KLHL1: variants seen among roughly 807,000 people sequenced by gnomAD.
KLHL1 encodes kelch like family member 1, also known as kelch-like protein 1.
Under a neutral mutation model 77.7 loss-of-function variants are expected in KLHL1, and 47 were observed. That is an observed-to-expected ratio of 0.60 (90% CI 0.48 to 0.77). The LOEUF (loss-of-function observed/expected upper bound fraction) is 0.77, where lower values mean the gene tolerates loss of function less well. KLHL1 is among the 30% of genes least tolerant of loss of function. KLHL1 has a pLI of 0.00. For missense variants in KLHL1, 925 were observed against 910.8 expected (o/e 1.02, Z -0.20); for synonymous variants, 360 against 325.2 (o/e 1.11, Z -1.15).
intron 7 of KLHL1, among the ~76,000 whole-genome samples, chr13:69,741,767 T>C (rs1405103020): frequency 6.6e-6 from 1 of 152,180 alleles, no homozygotes; most frequent in Non-Finnish European, 1.5e-5. Context: ...TAAAACCTCT[T>C]GCCAGTTTCA....
chr13:69,899,759 A>G lies in KLHL1; in HGVS notation c.1015-17264T>C, dbSNP rs530821141. On this transcript the variant is annotated intron_variant, in intron 4 of 10. Coordinates refer to ENST00000377844, the MANE Select transcript of KLHL1 (RefSeq NM_020866.3). ...GAAGGAGGTCTGGGATAACCAAATG[A>G]CAATACTGGAGTGATCACAAAGAAT... Among the ~76,000 whole-genome samples the G allele has an allele frequency of 2.6e-5, 4 of 152,288 alleles. No homozygotes were observed. In the South Asian group the frequency reaches 8.3e-4, roughly 32 times the overall value.
At position 70,063,016 on chromosome 13, in the gene KLHL1, A is replaced by G. The variant is rs1346041625; in HGVS notation, c.497+44187T>C. ...TCACTTAACCTTTCCCATTCACATC[A>G]TAGCTGCCTCCATGAAATACCTAGG... On this transcript the variant is annotated intron_variant, in intron 1 of 10. Transcript: ENST00000377844. Among the ~76,000 whole-genome samples the G allele has an allele frequency of 3.9e-5, 6 of 152,046 alleles. No individual in the cohort carries two copies. In the East Asian group the frequency reaches 1.2e-3, roughly 29 times the overall value.
intron 1 of KLHL1, among the ~76,000 whole-genome samples, chr13:70,019,042 T>A (rs1885725860): frequency 6.6e-6 from 1 of 152,222 alleles, no homozygotes; most frequent in East Asian, 1.9e-4. Context: ...GATCATTTAA[T>A]GTCAATTATT....
At chr13:69,925,355 G>A (rs1260957118) in intron 4 of KLHL1, among the ~76,000 whole-genome samples, 1 of 152,130 alleles carries the variant, frequency 6.6e-6, no homozygotes, top group Non-Finnish European at 1.5e-5. Flanking sequence ...TATAATATAT[G>A]TAAAACACTT....
chr13:70,052,796 C>T (rs1886659483), intron 1 of KLHL1, among the ~76,000 whole-genome samples: 1 of 151,862 alleles, frequency 6.6e-6, no homozygotes, highest in Non-Finnish European at 1.5e-5. Flanking sequence ...GTAGGAAACA[C>T]AGCAACAAGT....
chr13:69,849,634 G>T (rs1338302796), intron 5 of KLHL1, among the ~76,000 whole-genome samples: 1 of 151,276 alleles, frequency 6.6e-6, no homozygotes, highest in East Asian at 2.0e-4. Context: ...TCAACATTTA[G>T]TTTTATCAGT....
At chr13:70,018,402 G>C (rs1189110780) in intron 1 of KLHL1, among the ~76,000 whole-genome samples, 4 of 152,190 alleles carry the variant, frequency 2.6e-5, no homozygotes, top group Non-Finnish European at 5.9e-5. Flanking sequence ...CTTGCCCTTA[G>C]AGTTAATTCA....
At chr13:70,063,907 T>C (rs1886949576) in intron 1 of KLHL1, among the ~76,000 whole-genome samples, 1 of 152,082 alleles carries the variant, frequency 6.6e-6, no homozygotes, top group Non-Finnish European at 1.5e-5. Flanking sequence ...GATGCTTTCT[T>C]TTTCTTCCTA....
At chr13:69,852,001 C>A (rs1002663465) in intron 5 of KLHL1, among the ~76,000 whole-genome samples, 1 of 151,836 alleles carries the variant, frequency 6.6e-6, no homozygotes, top group African/African-American at 2.4e-5. Flanking sequence ...TGGATTCAAA[C>A]CATCTTGTTA....
intron 1 of KLHL1, among the ~76,000 whole-genome samples, chr13:69,985,864 T>C (rs905270461): frequency 7.8e-5 from 4 of 51,440 alleles, no homozygotes; most frequent in Non-Finnish European, 2.9e-4. Flanking sequence ...ATATACATAG[T>C]ATTCCACTGT....
At chr13:69,774,807 T>C (rs144066955) in intron 7 of KLHL1, among the ~76,000 whole-genome samples, 2 of 152,200 alleles carry the variant, frequency 1.3e-5, no homozygotes, top group Non-Finnish European at 2.9e-5. Context: ...TGACTACCTA[T>C]GTGTTATCTT....
chr13:69,846,471 C>G (rs1398847947), intron 5 of KLHL1, among the ~76,000 whole-genome samples: 1 of 151,436 alleles, frequency 6.6e-6, no homozygotes, highest in Non-Finnish European at 1.5e-5. Flanking sequence ...TTTGTTAGAG[C>G]ATTCCAGCTG....
At chr13:69,707,900 T>G (rs750259888) in intron 9 of KLHL1, 104 bp from the exon 10 acceptor site, 37 of 804,162 alleles carry the variant, frequency 4.6e-5, no homozygotes, top group Admixed American at 6.1e-5. Context: ...GGAAACTACC[T>G]TTTTTTTTCT....
intron 6 of KLHL1, among the ~76,000 whole-genome samples, chr13:69,826,708 A>G (rs925003177): frequency 6.6e-6 from 1 of 152,164 alleles, no homozygotes; most frequent in East Asian, 1.9e-4. Flanking sequence ...TATTCAAAGT[A>G]TCATGTTTTA....
intron 1 of KLHL1, among the ~76,000 whole-genome samples, chr13:70,008,676 T>C (rs906316802): frequency 1.8e-4 from 28 of 152,082 alleles, no homozygotes; most frequent in African/African-American, 6.5e-4. Flanking sequence ...CTCTTTTCTC[T>C]CACTCAAATG....
At chr13:70,007,056 T>C (rs182028975) in intron 1 of KLHL1, among the ~76,000 whole-genome samples, 29 of 152,034 alleles carry the variant, frequency 1.9e-4, no homozygotes, top group African/African-American at 6.7e-4. Context: ...AACAACCGGA[T>C]TGAAATTATG....
intron 1 of KLHL1, among the ~76,000 whole-genome samples, chr13:70,029,350 G>A (rs771249783): frequency 8.5e-5 from 13 of 152,150 alleles, no homozygotes; most frequent in South Asian, 2.1e-4. Flanking sequence ...CTAAGCAAAC[G>A]TTGATTCTCC....
At chr13:69,826,404 G>A (rs1475405424) in intron 6 of KLHL1, among the ~76,000 whole-genome samples, 3 of 152,148 alleles carry the variant, frequency 2.0e-5, no homozygotes, top group Non-Finnish European at 2.9e-5. Context: ...GGCCAACAGG[G>A]TAAAATTTTG....
chr13:70,024,628 C>CTCTCTCTCTTTCTCTCTT (rs1450119339), intron 1 of KLHL1, among the ~76,000 whole-genome samples: 40 of 70,010 alleles, frequency 5.7e-4, no homozygotes, highest in South Asian at 1.1e-3. Flanking sequence ...ATTTCTCTCT[C>CTCTCTCTCTTTCTCTCTT]TCTCTCTCTC....
Sources: gnomAD v4.1 joint callset for allele counts (sites outside exome capture counted in the v4.1 genomes callset) on GRCh38, gnomAD v4.1.1 for gene constraint, MANE v1.5 for transcripts, NCBI Gene and HGNC (gene_info 2026-07-23, HGNC 2026-07-21) for gene names.